Variants in C9orf153 observed in about 807,000 individuals in gnomAD.
C9orf153 encodes chromosome 9 open reading frame 153, also known as uncharacterized protein C9orf153.
Under a neutral mutation model 9.0 loss-of-function variants are expected in C9orf153, and 10 were observed. That is an observed-to-expected ratio of 1.11 (90% confidence interval 0.69 to 1.89). The LOEUF (loss-of-function observed/expected upper bound fraction) is 1.89. Among genes scored for constraint, C9orf153 ranks in the 40% most tolerant of loss-of-function variants. The pLI, the probability that C9orf153 is intolerant of heterozygous loss-of-function variation, is 0.00. For synonymous variants in C9orf153, 35 were observed against 37.3 expected (o/e 0.94, Z 0.23); for missense variants, 108 against 111.0 (o/e 0.97, Z 0.12).
intron 2 of C9orf153, 24 bp downstream of exon 2, chr9:86,229,514 C>T (rs1269332083): frequency 2.6e-6 from 4 of 1,511,476 alleles, no homozygotes; most frequent in South Asian, 2.3e-5. Context: ...GTGTACACCT[C>T]GTTGTACAAT....
intron 1 of C9orf153, among the ~76,000 whole-genome samples, chr9:86,249,231 G>C (rs1419549605): frequency 1.3e-5 from 2 of 152,190 alleles, no homozygotes; most frequent in Non-Finnish European, 2.9e-5. Flanking sequence ...TTACAACCAA[G>C]AAAGGCCTCC....
intron 3 of C9orf153, among the ~76,000 whole-genome samples, chr9:86,224,688 G>A (rs1484629969): frequency 3.3e-5 from 5 of 151,534 alleles, no homozygotes. Flanking sequence ...AAAGCACTGG[G>A]AGGCTGAGGC....
intron 2 of C9orf153, 27 bp downstream of exon 2, chr9:86,229,511 C>A: frequency 6.7e-7 from 1 of 1,494,806 alleles, no homozygotes; most frequent in Non-Finnish European, 9.3e-7. Flanking sequence ...CCTGTGTACA[C>A]CTCGTTGTAC....
At chr9:86,254,746 A>G (rs1032996250) in intron 1 of C9orf153, among the ~76,000 whole-genome samples, 4 of 152,156 alleles carry the variant, frequency 2.6e-5, no homozygotes. Context: ...GTTTAACTGA[A>G]CTGATGTATT....
intron 1 of C9orf153, among the ~76,000 whole-genome samples, chr9:86,246,566 A>C (rs1587808070): frequency 1.3e-5 from 2 of 152,110 alleles, no homozygotes; most frequent in East Asian, 3.9e-4. Flanking sequence ...ACATGAAATA[A>C]TTTTTTTTAA....
chr9:86,228,850 C>A (rs940496850), intron 2 of C9orf153: 20 of 206,536 alleles, frequency 9.7e-5, no homozygotes, highest in African/African-American at 4.4e-4. Flanking sequence ...GGACTTTGGA[C>A]GTCTTCCAGA....
intron 1 of C9orf153, among the ~76,000 whole-genome samples, chr9:86,246,470 G>A (rs545596744): frequency 2.0e-5 from 3 of 152,120 alleles, no homozygotes; most frequent in Admixed American, 6.6e-5. Context: ...AGCAGAGCAG[G>A]CTATATAAAG....
intron 1 of C9orf153, among the ~76,000 whole-genome samples, chr9:86,233,673 T>A (rs1156610067): frequency 6.6e-6 from 1 of 150,404 alleles, no homozygotes; most frequent in Non-Finnish European, 1.5e-5. Context: ...TGCCCTGGCC[T>A]CCTAAAGTGC....
chr9:86,238,960 T>TA (rs34207023), intron 1 of C9orf153, among the ~76,000 whole-genome samples: 76,705 of 146,182 alleles, frequency 0.52, 21,081 homozygotes, highest in East Asian at 0.86. Context: ...TCTATTTCTG[T>TA]AAAAAAAAAA....
At chr9:86,243,959 A>C (rs1824807990) in intron 1 of C9orf153, among the ~76,000 whole-genome samples, 2 of 152,168 alleles carry the variant, frequency 1.3e-5, no homozygotes, top group African/African-American at 4.8e-5. Context: ...TTCACCTTAT[A>C]TATACACACA....
intron 1 of C9orf153, among the ~76,000 whole-genome samples, chr9:86,256,354 A>G (rs1175300457): frequency 6.6e-6 from 1 of 152,268 alleles, no homozygotes; most frequent in African/African-American, 2.4e-5. Context: ...TCAATCTAAT[A>G]TAACCCAATA....
chr9:86,251,803 C>G (rs544411442), intron 1 of C9orf153, among the ~76,000 whole-genome samples: 19 of 152,068 alleles, frequency 1.2e-4, no homozygotes, highest in African/African-American at 4.6e-4. Context: ...TTAGTTTTAG[C>G]ATTAATAATA....
chr9:86,250,096 A>G (rs553637245), intron 1 of C9orf153, among the ~76,000 whole-genome samples: 10 of 152,340 alleles, frequency 6.6e-5, no homozygotes, highest in African/African-American at 2.2e-4. Flanking sequence ...TGAAGAATGT[A>G]CAATGGCCTG....
At chr9:86,227,383 T>C in intron 3 of C9orf153, 1 of 1,533,380 alleles carries the variant, frequency 6.5e-7, no homozygotes, top group South Asian at 1.3e-5. Context: ...CCAGGCTTGT[T>C]CATTTTATTG....
At chr9:86,230,578 G>A (rs1824448266) in intron 1 of C9orf153, among the ~76,000 whole-genome samples, 1 of 152,230 alleles carries the variant, frequency 6.6e-6, no homozygotes, top group Admixed American at 6.5e-5. Flanking sequence ...TGGGATTACA[G>A]GTGTGGGCCA....
At chr9:86,240,608 C>G (rs752394001) in intron 1 of C9orf153, among the ~76,000 whole-genome samples, 1 of 151,848 alleles carries the variant, frequency 6.6e-6, no homozygotes, top group Non-Finnish European at 1.5e-5. Flanking sequence ...AAACTCCTGA[C>G]CTCAAGTGAT....
chr9:86,227,801 C>A lies in C9orf153; in HGVS notation c.242+54G>T. 5 of 1,558,232 alleles carry A rather than the reference C, an allele frequency of 3.2e-6. No individual in the cohort carries two copies. In the South Asian group the frequency reaches 3.8e-5, roughly 12 times the overall value. Reference sequence around the variant, plus strand: ...AGAGAGTGAGCTTGCCAGTAAGCTGCGGTAGAGGAGCTCAATCATGGATGC... The same window carrying A: ...AGAGAGTGAGCTTGCCAGTAAGCTGAGGTAGAGGAGCTCAATCATGGATGC... On this transcript the variant is annotated intron_variant, in intron 3 of 3. Coordinates refer to ENST00000339137, the MANE Select transcript of C9orf153 (RefSeq NM_001276366.4).
At chr9:86,239,348 A>C (rs1268555912) in intron 1 of C9orf153, among the ~76,000 whole-genome samples, 1 of 152,132 alleles carries the variant, frequency 6.6e-6, no homozygotes, top group Non-Finnish European at 1.5e-5. Context: ...TTTCTTTCTT[A>C]CAATTCTTTG....
intron 2 of C9orf153, among the ~76,000 whole-genome samples, chr9:86,228,335 C>T (rs1037018878): frequency 1.3e-5 from 2 of 152,148 alleles, no homozygotes; most frequent in Non-Finnish European, 2.9e-5. Flanking sequence ...ATCTTTCCAA[C>T]TCTGAAATTC....
Sources: gnomAD v4.1 joint callset for allele counts (sites outside exome capture counted in the v4.1 genomes callset) on GRCh38, gnomAD v4.1.1 for gene constraint, MANE v1.5 for transcripts, NCBI Gene and HGNC (gene_info 2026-07-23, HGNC 2026-07-21) for gene names.